Variants in C12orf50 observed in about 807,000 individuals in gnomAD.
The protein encoded by C12orf50 is uncharacterized protein C12orf50.
C12orf50 carries 35 observed loss-of-function variants against 61.6 expected under a neutral mutation model. The observed-to-expected ratio is 0.57, with a 90% CI of 0.43 to 0.75. The LOEUF (loss-of-function observed/expected upper bound fraction) is 0.75. Ranked by LOEUF, C12orf50 falls within the 30% of genes least tolerant of loss-of-function variation. The pLI, the probability that C12orf50 is intolerant of heterozygous loss-of-function variation, is 0.00. For synonymous variants in C12orf50, 178 were observed against 161.5 expected, an observed-to-expected ratio of 1.10 and a Z score of -0.77; for missense variants, 475 against 488.5, an observed-to-expected ratio of 0.97 and a Z score of 0.26.
At chr12:88,019,204 T>A (rs1169462000) in intron 3 of C12orf50, among the ~76,000 whole-genome samples, 2 of 135,738 alleles carry the variant, frequency 1.5e-5, no homozygotes, top group Admixed American at 1.4e-4. Context: ...GGCAGGTATT[T>A]CCCATGCTGT....
intron 3 of C12orf50, among the ~76,000 whole-genome samples, chr12:88,003,563 A>C (rs1565750820): frequency 6.6e-6 from 1 of 152,014 alleles, no homozygotes; most frequent in Non-Finnish European, 1.5e-5. Flanking sequence ...TTTTTGAAAT[A>C]CAGCATTTAA....
chr12:88,014,865 A>G (rs1210292881), intron 3 of C12orf50, among the ~76,000 whole-genome samples: 1 of 152,198 alleles, frequency 6.6e-6, no homozygotes, highest in African/African-American at 2.4e-5. Context: ...AATCTCTTAT[A>G]ACTCCACTTC....
At chr12:87,996,828 C>T (rs1446952428) in intron 4 of C12orf50, among the ~76,000 whole-genome samples, 182 bp from the exon 5 acceptor site, 1 of 152,050 alleles carries the variant, frequency 6.6e-6, no homozygotes, top group Non-Finnish European at 1.5e-5. Flanking sequence ...GTATTCAAAA[C>T]AATGTCAAGA....
intron 3 of C12orf50, among the ~76,000 whole-genome samples, chr12:88,006,773 C>G (rs2031901913): frequency 6.6e-6 from 1 of 152,112 alleles, no homozygotes; most frequent in Non-Finnish European, 1.5e-5. Context: ...GCTTTCTCCC[C>G]CCAGAAAGGT....
intron 1 of C12orf50, among the ~76,000 whole-genome samples, chr12:88,027,504 T>C (rs1172325558): frequency 6.6e-6 from 1 of 152,202 alleles, no homozygotes; most frequent in Non-Finnish European, 1.5e-5. Flanking sequence ...TTTTATTAGA[T>C]AATCTATTTT....
chr12:87,983,263 G>A, intron 11 of C12orf50, 68 bp from the exon 12 acceptor site: 3 of 997,380 alleles, frequency 3.0e-6, no homozygotes, highest in Non-Finnish European at 4.4e-6. Context: ...GTGTTTCAAA[G>A]TTATAAACAT....
At chr12:88,025,891 G>A (rs1435486760) in intron 3 of C12orf50, among the ~76,000 whole-genome samples, 1 of 152,210 alleles carries the variant, frequency 6.6e-6, no homozygotes, top group African/African-American at 2.4e-5. Context: ...ACACTGTGGT[G>A]TCTTCTGTAT....
At chr12:88,015,957 A>G (rs2032295928) in intron 3 of C12orf50, among the ~76,000 whole-genome samples, 1 of 152,218 alleles carries the variant, frequency 6.6e-6, no homozygotes, top group Non-Finnish European at 1.5e-5. Flanking sequence ...ACTCCTGATA[A>G]TTGCACTTAG....
At chr12:88,001,884 T>C (rs116959138) in intron 3 of C12orf50, among the ~76,000 whole-genome samples, 3,110 of 151,704 alleles carry the variant, frequency 0.021, 63 homozygotes, top group Non-Finnish European at 0.027. Flanking sequence ...ATCTCTTTTT[T>C]TCTTGGTCAG....
chr12:88,006,199 A>G (rs2031874824), intron 3 of C12orf50, among the ~76,000 whole-genome samples: 1 of 152,014 alleles, frequency 6.6e-6, no homozygotes, highest in Non-Finnish European at 1.5e-5. Context: ...TACAGGCGTG[A>G]GCCACCGCGC....
At position 88,001,461 on chromosome 12, in the gene C12orf50, G is replaced by A. The variant is rs188355332; in HGVS notation, c.134-3271C>T. ...TTCAGTGTCTATATTCATAGGAAAA[G>A]TTTGGTCTGCAGTTTTCGTCTGATG... On this transcript the variant is annotated intron_variant, in intron 3 of 12. Coordinates refer to ENST00000298699, the MANE Select transcript of C12orf50 (RefSeq NM_152589.3). Among the ~76,000 whole-genome samples the A allele has an allele frequency of 2.0e-3, 303 of 150,890 alleles. 2 individuals carry two copies. The highest frequency in any genetic ancestry group is 5.0e-3 in the South Asian group (24 of 4,794).
chr12:87,991,884 C>A (rs952201528), intron 7 of C12orf50, among the ~76,000 whole-genome samples: 1 of 152,166 alleles, frequency 6.6e-6, no homozygotes, highest in Non-Finnish European at 1.5e-5. Context: ...ACTCATGGTG[C>A]TTTCATGCAT....
intron 3 of C12orf50, among the ~76,000 whole-genome samples, chr12:88,021,041 T>C (rs956268416): frequency 3.9e-5 from 6 of 152,084 alleles, no homozygotes; most frequent in African/African-American, 9.7e-5. Flanking sequence ...AACTCAGTAT[T>C]AAGAGGGAAG....
intron 4 of C12orf50, among the ~76,000 whole-genome samples, chr12:87,997,476 A>G (rs2031450589): frequency 6.6e-6 from 1 of 152,140 alleles, no homozygotes; most frequent in South Asian, 2.1e-4. Context: ...GGTTTGTTAC[A>G]TAGGTAAACA....
At chr12:88,004,065 A>G (rs375513543) in intron 3 of C12orf50, among the ~76,000 whole-genome samples, 3 of 151,458 alleles carry the variant, frequency 2.0e-5, no homozygotes, top group East Asian at 3.9e-4. Flanking sequence ...TTTTTTTCCC[A>G]TTTCAGATAT....
chr12:88,025,907 T>G (rs2032687318), intron 3 of C12orf50, among the ~76,000 whole-genome samples: 1 of 152,212 alleles, frequency 6.6e-6, no homozygotes, highest in Non-Finnish European at 1.5e-5. Context: ...TGTATCCACT[T>G]CCCAGAACCA....
At chr12:88,017,533 G>A (rs528347552) in intron 3 of C12orf50, among the ~76,000 whole-genome samples, 2 of 152,214 alleles carry the variant, frequency 1.3e-5, no homozygotes, top group Non-Finnish European at 2.9e-5. Context: ...CAGTAGAGTG[G>A]AGCACTGCTG....
chr12:88,018,065 A>C (rs528096795), intron 3 of C12orf50, among the ~76,000 whole-genome samples: 1 of 152,366 alleles, frequency 6.6e-6, no homozygotes, highest in South Asian at 2.1e-4. Context: ...AATAAGCCGA[A>C]TGTTAATCCC....
At chr12:87,987,484 C>A (rs2030883771) in intron 9 of C12orf50, among the ~76,000 whole-genome samples, 1 of 152,076 alleles carries the variant, frequency 6.6e-6, no homozygotes, top group Admixed American at 6.6e-5. Flanking sequence ...GCTCACTGAA[C>A]CGAATGTCAG....
Sources: gnomAD v4.1 joint callset for allele counts (sites outside exome capture counted in the v4.1 genomes callset) on GRCh38, gnomAD v4.1.1 for gene constraint, MANE v1.5 for transcripts, NCBI Gene and HGNC (gene_info 2026-07-23, HGNC 2026-07-21) for gene names.